The following CDK8 variants were observed in gnomAD, a reference collection of about 807,000 sequenced individuals.
The protein encoded by CDK8 is cyclin dependent kinase 8, also known as cyclin-dependent kinase 8.
CDK8 carries 29 observed loss-of-function variants against 71.5 expected under a neutral mutation model. The observed-to-expected ratio is 0.41, with a 90% confidence interval of 0.30 to 0.55. The LOEUF (loss-of-function observed/expected upper bound fraction) is 0.55, where lower values mean the gene tolerates loss of function less well. Among genes scored for constraint, CDK8 ranks in the 20% least tolerant of loss-of-function variants. The probability of loss-of-function intolerance (pLI) is 0.37; values close to 1 mark genes in which losing one functional copy is unlikely to be tolerated. For missense variants in CDK8, 288 were observed against 572.6 expected (o/e 0.50, Z 5.07); for synonymous variants, 161 against 192.1 (o/e 0.84, Z 1.34).
intron 4 of CDK8, among the ~76,000 whole-genome samples, chr13:26,367,969 T>C (rs992007624): frequency 2.6e-5 from 4 of 152,208 alleles, no homozygotes; most frequent in African/African-American, 2.4e-5. Flanking sequence ...TCTGGACTTA[T>C]TAGCCCAGTG....
chr13:26,302,951 T>C (rs529449642), intron 1 of CDK8, among the ~76,000 whole-genome samples: 2 of 152,142 alleles, frequency 1.3e-5, no homozygotes, highest in Non-Finnish European at 2.9e-5. Flanking sequence ...AGCGATCCTC[T>C]TGAGTAGCTA....
At chr13:26,282,688 C>T (rs10454672) in intron 1 of CDK8, among the ~76,000 whole-genome samples, 4,343 of 152,180 alleles carry the variant, frequency 0.029, 197 homozygotes, top group African/African-American at 0.099. Flanking sequence ...ACAAATAGCA[C>T]GATGAATAAA....
chr13:26,311,310 T>A (rs1034907605), intron 1 of CDK8, among the ~76,000 whole-genome samples: 1 of 151,992 alleles, frequency 6.6e-6, no homozygotes, highest in Non-Finnish European at 1.5e-5. Flanking sequence ...CTCCACTTAC[T>A]CTTCCCCTAC....
chr13:26,330,434 A>G (rs1875259368), intron 1 of CDK8, among the ~76,000 whole-genome samples: 2 of 152,032 alleles, frequency 1.3e-5, no homozygotes, highest in South Asian at 4.1e-4. Flanking sequence ...CAAACTCCTG[A>G]CCTCAAGTGA....
At chr13:26,294,341 A>T (rs1873444899) in intron 1 of CDK8, among the ~76,000 whole-genome samples, 1 of 152,040 alleles carries the variant, frequency 6.6e-6, no homozygotes, top group Admixed American at 6.6e-5. Flanking sequence ...GATGATTCTT[A>T]TGTGATTCTG....
chr13:26,380,110 C>G (rs1298352194), intron 4 of CDK8, among the ~76,000 whole-genome samples: 4 of 152,176 alleles, frequency 2.6e-5, no homozygotes, highest in Non-Finnish European at 5.9e-5. Context: ...CTGCCAGGCG[C>G]CTTGCATCCC....
chr13:26,353,629 C>A, intron 3 of CDK8, 111 bp from the exon 4 acceptor site: 1 of 836,012 alleles, frequency 1.2e-6, no homozygotes, highest in South Asian at 1.8e-5. Flanking sequence ...ATTATATTTT[C>A]AATATCTATG....
intron 4 of CDK8, 144 bp downstream of exon 4, chr13:26,354,024 A>G: frequency 4.4e-6 from 3 of 679,776 alleles, no homozygotes; most frequent in Non-Finnish European, 5.1e-6. Flanking sequence ...AACATGGCCT[A>G]GTAGTGTTTT....
At chr13:26,339,614 G>A (rs1376451485) in intron 2 of CDK8, among the ~76,000 whole-genome samples, 1 of 147,978 alleles carries the variant, frequency 6.8e-6, no homozygotes, top group African/African-American at 2.5e-5. Context: ...TTTTTAAAAA[G>A]CTTGTTGAGA....
intron 5 of CDK8, 83 bp from the exon 6 acceptor site, chr13:26,385,128 T>G: frequency 8.7e-7 from 1 of 1,143,214 alleles, no homozygotes; most frequent in Admixed American, 2.4e-5. Flanking sequence ...TTCATCTTAC[T>G]GAATAAGATG....
At chr13:26,361,482 T>G (rs1874133625) in intron 4 of CDK8, among the ~76,000 whole-genome samples, 1 of 152,174 alleles carries the variant, frequency 6.6e-6, no homozygotes, top group Non-Finnish European at 1.5e-5. Flanking sequence ...CTCAGAACAC[T>G]TCAGTCAACC....
chr13:26,292,152 T>C (rs2137903223), intron 1 of CDK8, among the ~76,000 whole-genome samples: 1 of 152,314 alleles, frequency 6.6e-6, no homozygotes, highest in East Asian at 1.9e-4. Flanking sequence ...AAAGTCAACT[T>C]GGGAAATAAA....
intron 4 of CDK8, among the ~76,000 whole-genome samples, chr13:26,369,448 C>CA (rs1162252506): frequency 0.53 from 24,640 of 46,550 alleles, 6,657 homozygotes; most frequent in Middle Eastern, 0.67. Context: ...GACCCTGTCT[C>CA]AAAAAAAAAA....
chr13:26,289,018 C>T (rs1386823339), intron 1 of CDK8, among the ~76,000 whole-genome samples: 6 of 146,138 alleles, frequency 4.1e-5, no homozygotes, highest in Non-Finnish European at 7.5e-5. Context: ...GGTTTACAGG[C>T]GTGAGCTGCT....
rs1873784585 is a variant in CDK8, at chr13:26,353,886, T to C, written c.456+6T>C. ...GGGTGTTGCACAGAGATTTGGTAAGTTGACCTGTAATTGGTTTAAACTAGA... is the reference window on the plus strand; with the variant it reads ...GGGTGTTGCACAGAGATTTGGTAAGCTGACCTGTAATTGGTTTAAACTAGA... On this transcript the variant is annotated splice_donor_region_variant and intron_variant, in intron 4 of 12. Coordinates refer to ENST00000381527, the MANE Select transcript of CDK8 (RefSeq NM_001260.3). 1 of 1,612,720 alleles carries C rather than the reference T, an allele frequency of 6.2e-7. No homozygotes were observed. The highest frequency in any genetic ancestry group is 8.5e-7 in the Non-Finnish European group (1 of 1,178,864).
In CDK8 at chr13:26,254,595, G is replaced by GGCC; in HGVS notation, c.-47_-46insGCC. ...CCGTGCTTCCCCGGTCCCCACCCCT[G>GGCC]CCCCCCGGCCCCCCGACCCAGCTCT... On this transcript the variant is annotated 5_prime_UTR_variant, in exon 1 of 13. Coordinates refer to ENST00000381527, the MANE Select transcript of CDK8 (RefSeq NM_001260.3). The surrounding 1 kb of genome is among the most constrained non-coding windows in gnomAD (Gnocchi z 6.7). 1.7e-6 allele frequency: 2 copies of GGCC among 1,194,430 alleles called. No homozygotes were observed. Among genetic ancestry groups the GGCC allele is most frequent in the African/African-American group, 1.5e-5 (1 of 65,480 alleles). 74.0% of individuals were successfully genotyped at this position (1,194,430 alleles called of 1,614,324 possible).
At chr13:26,337,025 C>G (rs1873023529) in intron 1 of CDK8, among the ~76,000 whole-genome samples, 1 of 152,000 alleles carries the variant, frequency 6.6e-6, no homozygotes, top group South Asian at 2.1e-4. Context: ...ATCCTCAGTA[C>G]CTAGCACAGT....
intron 1 of CDK8, among the ~76,000 whole-genome samples, chr13:26,265,363 A>T (rs1593225512): frequency 6.6e-6 from 1 of 152,182 alleles, no homozygotes; most frequent in African/African-American, 2.4e-5. Flanking sequence ...GTTGCCATGG[A>T]AGTACCTAAT....
intron 1 of CDK8, among the ~76,000 whole-genome samples, chr13:26,332,868 T>C (rs575656010): frequency 6.6e-6 from 1 of 152,324 alleles, no homozygotes; most frequent in African/African-American, 2.4e-5. Flanking sequence ...TACATTGCGT[T>C]GTCTCCTCTT....
Sources: allele counts gnomAD v4.1 joint callset (sites outside exome capture counted in the v4.1 genomes callset), GRCh38; gene constraint gnomAD v4.1.1; non-coding constraint Gnocchi (gnomAD v3.1); transcripts MANE v1.5; gene names NCBI Gene and HGNC (gene_info 2026-07-23, HGNC 2026-07-21).